SPCS2: variants seen among roughly 807,000 people sequenced by gnomAD.
The protein encoded by SPCS2 is SPase 25 kDa subunit.
Under a neutral mutation model 22.3 loss-of-function variants are expected in SPCS2, and 3 were observed. The ratio of observed to expected loss-of-function variants is 0.13; its 90% CI spans 0.06 to 0.35. The LOEUF (loss-of-function observed/expected upper bound fraction) is 0.35, where lower values mean the gene tolerates loss of function less well. SPCS2 is among the 10% of genes least tolerant of loss of function. The pLI is 1.00. For missense variants in SPCS2, 169 were observed against 280.9 expected (o/e 0.60, Z 2.85); for synonymous variants, 67 against 97.2 (o/e 0.69, Z 1.83).
At chr11:74,967,300 G>A (rs1224902119) in intron 3 of SPCS2, among the ~76,000 whole-genome samples, 3 of 152,178 alleles carry the variant, frequency 2.0e-5, no homozygotes, top group Non-Finnish European at 4.4e-5. Context: ...GAATTCCAAA[G>A]AGATTTGAAA....
chr11:74,958,903 G>C (rs1049159710), intron 1 of SPCS2, among the ~76,000 whole-genome samples: 1 of 151,644 alleles, frequency 6.6e-6, no homozygotes, highest in Non-Finnish European at 1.5e-5. Context: ...CATCTGCCAG[G>C]TTGCCACTAA....
At position 74,951,109 on chromosome 11, in the gene SPCS2, A is replaced by G. The variant is rs150705547; in HGVS notation, c.114+1710A>G. Among the ~76,000 whole-genome samples, 617 of 152,340 alleles carry G rather than the reference A, an allele frequency of 4.1e-3. 4 individuals are homozygous for G. The highest frequency in any genetic ancestry group is 0.015 in the African/African-American group (604 of 41,566). On this transcript the variant is annotated intron_variant, in intron 1 of 4. Transcript: ENST00000263672. ...GAATACTATTATTATGGAATAGTGT[A>G]TATGGCACCATTGTGTTATTGAAAG... is the stretch of plus-strand genomic sequence containing the variant.
intron 4 of SPCS2, among the ~76,000 whole-genome samples, chr11:74,973,115 T>C (rs1413526495): frequency 6.6e-6 from 1 of 152,160 alleles, no homozygotes; most frequent in Non-Finnish European, 1.5e-5. Context: ...CACTGCAGAC[T>C]GCAAGTGGTG....
intron 1 of SPCS2, among the ~76,000 whole-genome samples, chr11:74,958,172 G>A (rs1325856314): frequency 1.3e-5 from 2 of 152,182 alleles, no homozygotes. Context: ...AGAAGGCAGT[G>A]TAAAACCTAA....
intron 4 of SPCS2, among the ~76,000 whole-genome samples, chr11:74,972,881 TA>T (rs1296541862): frequency 4.0e-5 from 3 of 75,276 alleles, no homozygotes; most frequent in Non-Finnish European, 8.3e-5. Context: ...TAATGTTTTA[TA>T]TATATATATA....
chr11:74,956,399 C>T (rs1948479041), intron 1 of SPCS2, among the ~76,000 whole-genome samples: 1 of 152,218 alleles, frequency 6.6e-6, no homozygotes, highest in Admixed American at 6.5e-5. Flanking sequence ...TTTCCGCTTA[C>T]CCCTCAAAGT....
chr11:74,964,365 A>T (rs1948531936), intron 1 of SPCS2, among the ~76,000 whole-genome samples: 1 of 152,236 alleles, frequency 6.6e-6, no homozygotes, highest in Non-Finnish European at 1.5e-5. Context: ...GATAAGGGAA[A>T]TAGAAGTAGA....
At chr11:74,959,044 TCTC>T (rs1486347066) in intron 1 of SPCS2, among the ~76,000 whole-genome samples, 6 of 152,238 alleles carry the variant, frequency 3.9e-5, no homozygotes, top group African/African-American at 1.4e-4. Flanking sequence ...GGATGCCTCA[TCTC>T]CTACTACTTT....
Position 74,950,476 on chromosome 11 carries a change from T to C in SPCS2, c.114+1077T>C, listed in dbSNP as rs1948393464. Among the ~76,000 whole-genome samples the C allele has an allele frequency of 2.0e-5, 3 of 152,278 alleles. No homozygotes were observed. In the South Asian group the frequency reaches 6.2e-4, roughly 32 times the overall value. Reference sequence around the variant, plus strand: ...GGTAGGTGCTTAAGAAATGAAAACATGATTATGTTGAGGGGTTAAGATCCA... The same window carrying C: ...GGTAGGTGCTTAAGAAATGAAAACACGATTATGTTGAGGGGTTAAGATCCA... On this transcript the variant is annotated intron_variant, in intron 1 of 4. Transcript: ENST00000263672.
At chr11:74,958,799 A>G (rs1261084373) in intron 1 of SPCS2, among the ~76,000 whole-genome samples, 1 of 152,030 alleles carries the variant, frequency 6.6e-6, no homozygotes. Flanking sequence ...ACTCCCTTTC[A>G]GTCCCCCTAC....
rs754505826 is a variant in SPCS2, at chr11:74,976,916, G to A, written c.554G>A (p.Arg185Gln). ...ATCAGTGGGAGAACAAAGCAGCAGC[G>A]GGAAGCCGAGTTCACAAAGTCCATT... The part of the protein sequence containing the change: ...TFISGRTKQQ[R>Q]EAEFTKSIAK... Residue 185 changes from arginine to glutamine, a missense_variant, in exon 5 of 5, where the codon CGG becomes CAG. By Grantham distance (43) the Arg-to-Gln change is conservative (BLOSUM62 1). Coordinates refer to ENST00000263672, the MANE Select transcript of SPCS2 (RefSeq NM_014752.3). 78 of 1,613,316 alleles carry A rather than the reference G, an allele frequency of 4.8e-5. No homozygotes were observed. The highest frequency in any genetic ancestry group is 3.3e-4 in the South Asian group (30 of 91,028).
intron 1 of SPCS2, among the ~76,000 whole-genome samples, chr11:74,954,895 T>A (rs530622323): frequency 1.3e-5 from 2 of 152,236 alleles, no homozygotes; most frequent in African/African-American, 4.8e-5. Context: ...CAACCTAGTT[T>A]TTAAAAGGGC....
intron 1 of SPCS2, among the ~76,000 whole-genome samples, chr11:74,952,289 C>G (rs991977914): frequency 6.6e-6 from 1 of 152,032 alleles, no homozygotes; most frequent in African/African-American, 2.4e-5. Context: ...ACCACGATAA[C>G]TTTTGCACCT....
intron 1 of SPCS2, among the ~76,000 whole-genome samples, chr11:74,961,794 C>T (rs1948516041): frequency 6.6e-6 from 1 of 152,128 alleles, no homozygotes; most frequent in South Asian, 2.1e-4. Flanking sequence ...TCCCAAAGTG[C>T]TGGGATTATA....
At chr11:74,952,538 A>T (rs928601745) in intron 1 of SPCS2, among the ~76,000 whole-genome samples, 1 of 152,012 alleles carries the variant, frequency 6.6e-6, no homozygotes, top group African/African-American at 2.4e-5. Context: ...ACTAATCGTG[A>T]ACTCCTGGCC....
chr11:74,964,980 C>T, intron 1 of SPCS2, 54 bp from the exon 2 acceptor site: 1 of 1,257,768 alleles, frequency 8.0e-7, no homozygotes, highest in Non-Finnish European at 1.1e-6. Context: ...GTTCATTTTA[C>T]TTTCAGTAAG....
chr11:74,965,989 C>A, intron 3 of SPCS2, 66 bp downstream of exon 3: 1 of 1,479,578 alleles, frequency 6.8e-7, no homozygotes, highest in Non-Finnish European at 9.1e-7. Flanking sequence ...GATATTTCTC[C>A]CTACAAAAAA....
chr11:74,962,368 C>A (rs1460816005), intron 1 of SPCS2, among the ~76,000 whole-genome samples: 1 of 152,094 alleles, frequency 6.6e-6, no homozygotes, highest in East Asian at 1.9e-4. Context: ...GCCAACCTTG[C>A]AAACAAGCCT....
intron 1 of SPCS2, among the ~76,000 whole-genome samples, chr11:74,956,533 C>T (rs369116929): frequency 3.1e-4 from 46 of 150,776 alleles, no homozygotes; most frequent in African/African-American, 9.9e-4. Flanking sequence ...ATCTCATTGT[C>T]GTATTTTCCT....
Sources: gnomAD v4.1 joint callset for allele counts (sites outside exome capture counted in the v4.1 genomes callset) on GRCh38, gnomAD v4.1.1 for gene constraint, MANE v1.5 for transcripts, NCBI Gene and HGNC (gene_info 2026-07-23, HGNC 2026-07-21) for gene names.